Variants in CCDC144A observed in about 807,000 individuals in gnomAD.
CCDC144A encodes coiled-coil domain-containing protein 144A.
A neutral mutation model predicts 143.8 loss-of-function variants in CCDC144A; 41 were observed. That is an observed-to-expected ratio of 0.29 (90% CI 0.22 to 0.37). CCDC144A has a LOEUF of 0.37. CCDC144A is among the 10% of genes least tolerant of loss of function. The pLI, the probability that CCDC144A is intolerant of heterozygous loss-of-function variation, is 1.00. For synonymous variants in CCDC144A, 242 were observed against 517.9 expected, an observed-to-expected ratio of 0.47 and a Z score of 7.23; for missense variants, 637 against 1,488.8, an observed-to-expected ratio of 0.43 and a Z score of 9.41.
chr17:16,771,432 A>G (rs1187162398), intron 15 of CCDC144A, among the ~76,000 whole-genome samples: 2 of 152,250 alleles, frequency 1.3e-5, no homozygotes, highest in Non-Finnish European at 2.9e-5. Context: ...AATATTTTTA[A>G]TCTTTTGCCA....
At chr17:16,671,554 G>GAC in the CCDC144A span, among the ~76,000 whole-genome samples, 15 of 151,290 alleles carry the variant, frequency 9.9e-5, no homozygotes, top group East Asian at 1.4e-3. Flanking sequence ...GTAAATCAGT[G>GAC]ACACACACAC....
rs1206976926 is a variant in CCDC144A at position 16,728,381 on chromosome 17, T to G, written c.2105+641T>G. Reference sequence around the variant, plus strand: ...TAAATGTTTTTCTACATTCCTAAACTGTTTGCTTTGAATAAATTCTCCAAT... The same window carrying G: ...TAAATGTTTTTCTACATTCCTAAACGGTTTGCTTTGAATAAATTCTCCAAT... On this transcript the variant is annotated intron_variant, in intron 9 of 16. Coordinates refer to ENST00000399273, the MANE Select transcript of CCDC144A (RefSeq NM_001382000.1). Among the ~76,000 whole-genome samples, 12 of 152,328 alleles carry G rather than the reference T, an allele frequency of 7.9e-5. No homozygotes were observed. In the East Asian group the frequency reaches 1.2e-3, roughly 15 times the overall value.
chr17:16,764,483 A>T, intron 15 of CCDC144A: 1 of 362,288 alleles, frequency 2.8e-6, no homozygotes, highest in South Asian at 2.8e-5. Context: ...TGTCTTACTA[A>T]TTGATTTTAG....
At chr17:16,747,963 C>T (rs2143304141) in intron 12 of CCDC144A, among the ~76,000 whole-genome samples, 1 of 152,260 alleles carries the variant, frequency 6.6e-6, no homozygotes, top group South Asian at 2.1e-4. Flanking sequence ...ATGTTGAATA[C>T]ATACGGTGAG....
At chr17:16,742,089 CAAA>C (rs1401735609) in intron 12 of CCDC144A, among the ~76,000 whole-genome samples, 1 of 101,876 alleles carries the variant, frequency 9.8e-6, no homozygotes, top group Non-Finnish European at 2.1e-5. Flanking sequence ...GACTCTGTCT[CAAA>C]AAAAAAAAAA....
intron 8 of CCDC144A, among the ~76,000 whole-genome samples, chr17:16,722,933 A>AT (rs1462864154): frequency 6.6e-6 from 1 of 152,044 alleles, no homozygotes; most frequent in Non-Finnish European, 1.5e-5. Context: ...AACTGGTTAC[A>AT]TTTTTACGTC....
the CCDC144A span, among the ~76,000 whole-genome samples, chr17:16,668,718 A>G: frequency 2.0e-5 from 3 of 152,182 alleles, no homozygotes; most frequent in African/African-American, 7.2e-5. Context: ...TAGTCTACTC[A>G]GGCTGTTATA....
At chr17:16,730,290 T>C (rs541328618) in intron 9 of CCDC144A, among the ~76,000 whole-genome samples, 2 of 109,754 alleles carry the variant, frequency 1.8e-5, no homozygotes, top group Admixed American at 9.5e-5. Flanking sequence ...AAAGGTCAGT[T>C]GGTTATACAT....
chr17:16,721,200 G>C (rs1397482007), intron 8 of CCDC144A, among the ~76,000 whole-genome samples: 1 of 151,834 alleles, frequency 6.6e-6, no homozygotes, highest in African/African-American at 2.4e-5. Flanking sequence ...CTTCAGTGAG[G>C]TATAACTGAT....
At chr17:16,717,026 C>A (rs1352985145) in intron 6 of CCDC144A, among the ~76,000 whole-genome samples, 2 of 151,410 alleles carry the variant, frequency 1.3e-5, no homozygotes, top group East Asian at 1.9e-4. Context: ...TGGTCTCGAT[C>A]TCCTGACCTC....
chr17:16,771,841 A>G (rs371825192), intron 15 of CCDC144A, 136 bp from the exon 16 acceptor site: 2 of 672,204 alleles, frequency 3.0e-6, no homozygotes, highest in Non-Finnish European at 4.9e-6. Flanking sequence ...TTTATATGAT[A>G]TTTTTAATTT....
At chr17:16,686,173 CAG>C (rs570292195), upstream of CCDC144A, among the ~76,000 whole-genome samples, 188 of 147,336 alleles carry the variant, frequency 1.3e-3, 2 homozygotes, top group African/African-American at 4.4e-3. Context: ...TCAGCTCACT[CAG>C]GGGTGAGCCA....
chr17:16,769,645 T>A (rs1250967872), intron 15 of CCDC144A, among the ~76,000 whole-genome samples: 1 of 152,142 alleles, frequency 6.6e-6, no homozygotes, highest in African/African-American at 2.4e-5. Flanking sequence ...TTTTCTGTTC[T>A]GCGGTTTGAA....
rs146552420 is a variant in CCDC144A, at chr17:16,723,024, G to C, written c.1891+2366G>C. ...GGGTAATGCTAGAGTGACAGAATGA[G>C]TTGTATTTCTCCTCTATTTTTTTTT... On this transcript the variant is annotated intron_variant, in intron 8 of 16. Transcript: ENST00000399273. Among the ~76,000 whole-genome samples the C allele has an allele frequency of 3.9e-3, 584 of 150,726 alleles. 6 individuals carry two copies. The highest frequency in any genetic ancestry group is 0.014 in the African/African-American group (556 of 40,480).
intron 12 of CCDC144A, among the ~76,000 whole-genome samples, chr17:16,741,392 A>G (rs1454324882): frequency 1.3e-5 from 2 of 152,140 alleles, no homozygotes; most frequent in African/African-American, 4.8e-5. Context: ...AGGTTGCCCA[A>G]ATATCTACAT....
rs974799198 is a variant in CCDC144A, at chr17:16,711,810, T to G, written c.1710T>G (p.His570Gln). 2 of 1,586,898 alleles carry G rather than the reference T, an allele frequency of 1.3e-6. No individual in the cohort carries two copies. Among genetic ancestry groups the G allele is most frequent in the Non-Finnish European group, 1.7e-6 (2 of 1,166,448 alleles). Residue 570 changes from histidine (H) to glutamine (Q), a missense_variant, in exon 6 of 17, where the codon CAT (histidine) becomes CAG (glutamine). By Grantham distance (24) the His-to-Gln change is conservative. Transcript: ENST00000399273. ...QQIPRKENGE[H>Q]DRPADKTSNE... ...TTCCTAGGAAGGAAAATGGAGAGCATGACAGGTAAGCCTATAGCAGCGTTT... is the reference window on the plus strand; with the variant it reads ...TTCCTAGGAAGGAAAATGGAGAGCAGGACAGGTAAGCCTATAGCAGCGTTT...
rs1375753517 is a variant in CCDC144A, at chr17:16,693,033, T to C, written c.399T>C (p.Pro133=). Residue 133 remains proline, a synonymous_variant, in exon 2 of 17, where the codon CCT becomes CCC. Coordinates refer to ENST00000399273, the MANE Select transcript of CCDC144A (RefSeq NM_001382000.1). ...AAAAACAGACACCTGAAAGTCTTCC[T>C]CAAAATAACAATCCAGGTAAGACTT... ...YKEKQTPESL[P]QNNNPDWHPT... The C allele has an allele frequency of 6.5e-7, 1 of 1,544,180 alleles. No homozygotes were observed. Among genetic ancestry groups the C allele is most frequent in the Non-Finnish European group, 8.7e-7 (1 of 1,151,276 alleles).
intron 12 of CCDC144A, among the ~76,000 whole-genome samples, chr17:16,752,187 C>T (rs1156251221): frequency 6.6e-6 from 1 of 152,176 alleles, no homozygotes; most frequent in African/African-American, 2.4e-5. Flanking sequence ...ACATCAGTAG[C>T]GGCATTAGAT....
At chr17:16,677,893 T>C in the CCDC144A span, among the ~76,000 whole-genome samples, 1 of 151,992 alleles carries the variant, frequency 6.6e-6, no homozygotes, top group East Asian at 1.9e-4. Context: ...TTTATCAGGA[T>C]TTGATAAATT....
Sources: gnomAD v4.1 joint callset for allele counts (sites outside exome capture counted in the v4.1 genomes callset) on GRCh38, gnomAD v4.1.1 for gene constraint, MANE v1.5 for transcripts, NCBI Gene and HGNC (gene_info 2026-07-23, HGNC 2026-07-21) for gene names.